Variants in ECI2 observed in about 807,000 individuals in gnomAD.
ECI2 encodes D3,D2-enoyl-CoA isomerase.
A neutral mutation model predicts 38.4 loss-of-function variants in ECI2; 27 were observed. The observed-to-expected ratio is 0.70, with a 90% confidence interval of 0.52 to 0.97. The LOEUF (loss-of-function observed/expected upper bound fraction) is 0.97, where lower values mean the gene tolerates loss of function less well. ECI2 is among the 50% of genes least tolerant of loss of function. The pLI is 0.00. For synonymous variants in ECI2, 168 were observed against 172.0 expected (o/e 0.98, Z 0.18); for missense variants, 470 against 474.4 (o/e 0.99, Z 0.09).
Position 4,126,194 on chromosome 6 carries a change from GAAGT to G in ECI2, c.611_614del (p.Asn204ThrfsTer9). The G allele has an allele frequency of 6.2e-7, 1 of 1,613,814 alleles. No individual in the cohort carries two copies. The highest frequency in any genetic ancestry group is 8.5e-7 in the Non-Finnish European group (1 of 1,179,946). On this transcript the variant is annotated frameshift_variant, in exon 6 of 10. Transcript: ENST00000380118. LOFTEE classifies it high-confidence loss of function. ...CTACTCCACCAGGGGGAATATCAGT[GAAGT>G]TAGTCAGATCATTCCCACTACTGTA...
intron 2 of ECI2, among the ~76,000 whole-genome samples, chr6:4,132,366 C>T (rs981396420): frequency 2.0e-5 from 3 of 152,024 alleles, no homozygotes; most frequent in Non-Finnish European, 2.9e-5. Flanking sequence ...GCTCCATCAC[C>T]TGTGCATGAC....
intron 3 of ECI2, 32 bp from the exon 4 acceptor site, chr6:4,130,592 A>G (rs749443448): frequency 1.8e-5 from 29 of 1,613,848 alleles, no homozygotes; most frequent in Non-Finnish European, 2.3e-5. Context: ...ACCTCAGCCC[A>G]TGGTCAATGA....
At chr6:4,133,438 A>G (rs973540994) in intron 2 of ECI2, 111 bp downstream of exon 2, 1 of 1,259,698 alleles carries the variant, frequency 7.9e-7, no homozygotes. Context: ...GAGAAGAGGG[A>G]GCAAGACAAA....
intron 9 of ECI2, 137 bp downstream of exon 9, chr6:4,117,171 A>T: frequency 1.8e-6 from 2 of 1,109,550 alleles, no homozygotes; most frequent in Non-Finnish European, 2.5e-6. Context: ...GTTATTTTTT[A>T]ATTCCAAATT....
chr6:4,134,252 G>C (rs187016458), intron 1 of ECI2, among the ~76,000 whole-genome samples: 116 of 152,266 alleles, frequency 7.6e-4, no homozygotes, highest in African/African-American at 2.5e-3. Flanking sequence ...AAGAACACAC[G>C]AGCAGTTGCT....
intron 6 of ECI2, 193 bp downstream of exon 6, chr6:4,125,942 G>A (rs2113989951): frequency 2.9e-6 from 2 of 681,624 alleles, no homozygotes; most frequent in Admixed American, 2.1e-5. Context: ...AGGATGAACA[G>A]GTAACAGAGG....
chr6:4,122,581 C>A (rs1772875137), intron 7 of ECI2, among the ~76,000 whole-genome samples: 1 of 152,042 alleles, frequency 6.6e-6, no homozygotes, highest in Non-Finnish European at 1.5e-5. Flanking sequence ...TAGACAGGGT[C>A]TCACTCTGTT....
chr6:4,127,483 C>T (rs375991090), intron 5 of ECI2, among the ~76,000 whole-genome samples: 213 of 135,462 alleles, frequency 1.6e-3, no homozygotes, highest in African/African-American at 5.5e-3. Context: ...GGCGCGACCT[C>T]GGGTCACTGC....
chr6:4,127,768 A>T lies in ECI2; in HGVS notation c.565T>A (p.Leu189Ile). Residue 189 changes from leucine (L) to isoleucine (I), a missense_variant, in exon 5 of 10, where the codon TTA (leucine) becomes ATA (isoleucine). By Grantham distance (5) the Leu-to-Ile change is conservative. Coordinates refer to ENST00000380118, the MANE Select transcript of ECI2 (RefSeq NM_206836.3). ...ASKDDSIITVLTGNGDYYSSG... is the reference protein window; with the variant it reads ...ASKDDSIITVITGNGDYYSSG... ...GCCTGAGAAAATGTCTTACCTGTTA[A>T]AACAGTGATGATTGAGTCATCCTTG... The T allele has an allele frequency of 6.2e-7, 1 of 1,613,056 alleles. No individual in the cohort carries two copies.
chr6:4,127,548 G>A (rs1259153357), intron 5 of ECI2, among the ~76,000 whole-genome samples: 1 of 151,440 alleles, frequency 6.6e-6, no homozygotes, highest in Non-Finnish European at 1.5e-5. Context: ...CTGAGTAGCT[G>A]GGATTACAGG....
chr6:4,121,876 T>C, intron 7 of ECI2: 6 of 762,830 alleles, frequency 7.9e-6, no homozygotes, highest in Non-Finnish European at 8.4e-6. Context: ...ATATGCAGCA[T>C]ATACATAAAA....
At chr6:4,125,559 G>T in intron 6 of ECI2, 189 bp from the exon 7 acceptor site, 2 of 791,046 alleles carry the variant, frequency 2.5e-6, no homozygotes, top group Non-Finnish European at 3.9e-6. Flanking sequence ...GCATCCGTCT[G>T]AATGGCAGTG....
rs533487448 is a variant in ECI2 at position 4,119,409 on chromosome 6, C to T, written c.796-134G>A. Reference sequence around the variant, plus strand: ...GATCTCGGCTCACTGCAACCTCCACCCCTTGGGTTCAAGCGATTCTCCTGC... The same window carrying T: ...GATCTCGGCTCACTGCAACCTCCACTCCTTGGGTTCAAGCGATTCTCCTGC... On this transcript the variant is annotated intron_variant, in intron 7 of 9. Transcript: ENST00000380118. 41 of 585,468 alleles carry T rather than the reference C, an allele frequency of 7.0e-5. No homozygotes were observed. In the African/African-American group the frequency reaches 7.1e-4, roughly 10 times the overall value. The allele number at this position is 585,468 out of a possible 1,614,324, so 36.3% of individuals were successfully genotyped here.
chr6:4,126,568 C>T (rs910561035), intron 5 of ECI2, among the ~76,000 whole-genome samples: 2 of 152,068 alleles, frequency 1.3e-5, no homozygotes, highest in Non-Finnish European at 1.5e-5. Flanking sequence ...GCCAGGTGGG[C>T]TAGAAAAAGA....
At position 4,126,301 on chromosome 6, in the gene ECI2, C is replaced by CTT. The variant is rs1383609408; in HGVS notation, c.572-65_572-64insAA. The CTT allele has an allele frequency of 3.0e-5, 41 of 1,366,492 alleles. No homozygotes were observed. In the East Asian group the frequency reaches 8.3e-4, roughly 28 times the overall value. The allele number at this position is 1,366,492 out of a possible 1,614,324, so 84.6% of individuals were successfully genotyped here. The stretch of plus-strand genomic sequence containing the variant: ...TCCTATAATTCTTGAGTATCTACTG[C>CTT]ATGCCAAACTCTATGGTTAGGCAAG... On this transcript the variant is annotated intron_variant, in intron 5 of 9. Coordinates refer to ENST00000380118, the MANE Select transcript of ECI2 (RefSeq NM_206836.3).
At chr6:4,134,416 C>A (rs1345469202) in intron 1 of ECI2, among the ~76,000 whole-genome samples, 1 of 152,094 alleles carries the variant, frequency 6.6e-6, no homozygotes, top group South Asian at 2.1e-4. Flanking sequence ...GCAACCACCG[C>A]GGGGGTGATC....
chr6:4,127,725 T>C (rs377260742), intron 5 of ECI2, 37 bp downstream of exon 5: 115 of 1,598,400 alleles, frequency 7.2e-5, no homozygotes, highest in Non-Finnish European at 9.3e-5. Flanking sequence ...CCCCTCAAAA[T>C]AGAAATTTAA....
At position 4,135,574 on chromosome 6, in the gene ECI2, C is replaced by T. The variant is rs1397709790; in HGVS notation, c.-14G>A. On this transcript the variant is annotated 5_prime_UTR_variant, in exon 1 of 10. Transcript: ENST00000380118. The stretch of plus-strand genomic sequence containing the variant: ...CGCCATCGCCATCCCTTGGGCGGCT[C>T]TAGGGCTGCGGGGGCTCGGGGGTGG... The T allele has an allele frequency of 2.6e-5, 37 of 1,431,448 alleles. 1 individual carries two copies. The Admixed American group carries it at 6.9e-4, about 27-fold the overall frequency. 88.7% of individuals were successfully genotyped at this position (1,431,448 alleles called of 1,614,324 possible). A position where few individuals can be genotyped will look rare whatever the true frequency, so the allele number is the denominator to read the frequency against.
At chr6:4,117,606 A>G (rs569960938) in intron 8 of ECI2, 155 bp from the exon 9 acceptor site, 14 of 980,524 alleles carry the variant, frequency 1.4e-5, no homozygotes, top group Non-Finnish European at 2.0e-5. Context: ...TCAATAGGCA[A>G]CGGTTTGCAA....
Sources: gnomAD v4.1 joint callset for allele counts (sites outside exome capture counted in the v4.1 genomes callset) on GRCh38, gnomAD v4.1.1 for gene constraint, MANE v1.5 for transcripts, NCBI Gene and HGNC (gene_info 2026-07-23, HGNC 2026-07-21) for gene names.